Variants in EVI5 observed in about 807,000 individuals in gnomAD.
The protein encoded by EVI5 is ecotropic viral integration site 5 protein homolog.
A neutral mutation model predicts 112.0 loss-of-function variants in EVI5; 73 were observed. The observed-to-expected ratio is 0.65, with a 90% CI of 0.54 to 0.79. EVI5 has a LOEUF of 0.79. Among genes scored for constraint, EVI5 ranks in the 30% least tolerant of loss-of-function variants. The pLI is 0.00. For missense variants in EVI5, 900 were observed against 968.8 expected, an observed-to-expected ratio of 0.93 and a Z score of 0.94; for synonymous variants, 305 against 319.9, an observed-to-expected ratio of 0.95 and a Z score of 0.50.
intron 1 of EVI5, among the ~76,000 whole-genome samples, chr1:92,777,024 A>G (rs891288050): frequency 5.3e-5 from 8 of 151,870 alleles, no homozygotes; most frequent in Non-Finnish European, 1.0e-4. Context: ...AGATGGTCTC[A>G]ATCTCCTGAC....
intron 14 of EVI5, among the ~76,000 whole-genome samples, chr1:92,631,363 T>G (rs1450871091): frequency 6.6e-6 from 1 of 152,216 alleles, no homozygotes; most frequent in Non-Finnish European, 1.5e-5. Flanking sequence ...CATTGAGCAG[T>G]GGTTTGTAGT....
At chr1:92,789,286 A>AGTTC (rs1477984625), upstream of EVI5, among the ~76,000 whole-genome samples, 30 of 151,290 alleles carry the variant, frequency 2.0e-4, no homozygotes, top group African/African-American at 6.3e-4. Context: ...TGGACTCCTG[A>AGTTC]ATTCAAGCCA....
intron 19 of EVI5, among the ~76,000 whole-genome samples, chr1:92,554,775 C>T (rs1305870010): frequency 6.6e-6 from 1 of 152,102 alleles, no homozygotes; most frequent in Non-Finnish European, 1.5e-5. Context: ...TCCAGACCAG[C>T]CTTGGCAACA....
intron 15 of EVI5, among the ~76,000 whole-genome samples, chr1:92,624,566 C>T (rs1366340478): frequency 3.3e-5 from 5 of 151,474 alleles, no homozygotes; most frequent in African/African-American, 7.3e-5. Flanking sequence ...ATTGGCCAGG[C>T]GCAGTGGCTC....
Position 92,625,843 on chromosome 1 carries a change from C to T in EVI5, c.1619G>A (p.Gly540Asp). 3.1e-6 allele frequency: 5 copies of T among 1,612,816 alleles called. No individual in the cohort carries two copies. Among genetic ancestry groups the T allele is most frequent in the Non-Finnish European group, 3.4e-6 (4 of 1,178,982 alleles). Residue 540 changes from glycine (G) to aspartate (D), a missense_variant, in exon 15 of 20, where the codon GGT becomes GAT. Transcript: ENST00000684568. Reference protein sequence around the residue: ...VKLREAEAIMGLKELRQQVKD... With the variant: ...VKLREAEAIMDLKELRQQVKD... ...GACTTGCTGTCTAAGTTCTTTCAAACCCATAATGGCTTCTGCTTCTCTAAG... is the reference window on the plus strand; with the variant it reads ...GACTTGCTGTCTAAGTTCTTTCAAATCCATAATGGCTTCTGCTTCTCTAAG...
intron 16 of EVI5, among the ~76,000 whole-genome samples, chr1:92,613,425 A>G (rs1652337388): frequency 6.6e-6 from 1 of 152,044 alleles, no homozygotes; most frequent in Non-Finnish European, 1.5e-5. Context: ...CAGCCTCCCA[A>G]GTAGCTGTGA....
chr1:92,621,696 G>C (rs1393609273), intron 16 of EVI5, among the ~76,000 whole-genome samples: 1 of 152,122 alleles, frequency 6.6e-6, no homozygotes, highest in Non-Finnish European at 1.5e-5. Context: ...GTGGTTTTTA[G>C]CCTATTGAGA....
chr1:92,649,136 C>T (rs1326601336), intron 13 of EVI5, among the ~76,000 whole-genome samples: 1 of 152,138 alleles, frequency 6.6e-6, no homozygotes, highest in Non-Finnish European at 1.5e-5. Context: ...TGATGTTGAG[C>T]ATCTTTTCAT....
Position 92,509,108 on chromosome 1 carries a change from C to G in EVI5, c.*4548G>C, listed in dbSNP as rs554317292. On this transcript the variant is annotated 3_prime_UTR_variant, in exon 20 of 20. Transcript: ENST00000684568. The stretch of plus-strand genomic sequence containing the variant: ...GGTATGTTAATATACATTAATCAAG[C>G]TGGTCATGAAACAGTTTTACCAAAA... The G allele has an allele frequency of 2.6e-5, 4 of 152,352 alleles. No homozygotes were observed. Among genetic ancestry groups the G allele is most frequent in the African/African-American group, 7.2e-5 (3 of 41,532 alleles). 9.4% of individuals were successfully genotyped at this position (152,352 alleles called of 1,614,324 possible).
At chr1:92,551,052 T>TA (rs1374203332) in intron 19 of EVI5, among the ~76,000 whole-genome samples, 1 of 123,350 alleles carries the variant, frequency 8.1e-6, no homozygotes, top group African/African-American at 3.0e-5. Flanking sequence ...TTTTTTTTTT[T>TA]TTTTTTTTGA....
In EVI5 at chr1:92,610,112, C is replaced by T. The variant is rs148363009; in HGVS notation, c.1828-2385G>A. Among the ~76,000 whole-genome samples the T allele has an allele frequency of 1.4e-4, 22 of 152,284 alleles. No homozygotes were observed. In the East Asian group the frequency reaches 3.3e-3, roughly 23 times the overall value. On this transcript the variant is annotated intron_variant, in intron 16 of 19. Transcript: ENST00000684568. The stretch of plus-strand genomic sequence containing the variant: ...ATGTTGCTCAGGCCAGTCTTGAACT[C>T]CTGAGCCCAAGTGATCCTCCCATCT...
Position 92,784,467 on chromosome 1 carries a change from A to G in EVI5, c.-82+369T>C, listed in dbSNP as rs558874888. 6.3e-4 allele frequency: 622 copies of G among 983,652 alleles called. 4 individuals carry two copies. Among genetic ancestry groups the G allele is most frequent in the Middle Eastern group, 4.7e-3 (9 of 1,906 alleles). 60.9% of individuals were successfully genotyped at this position (983,652 alleles called of 1,614,324 possible). On this transcript the variant is annotated intron_variant, in intron 1 of 19. Coordinates refer to ENST00000684568, the MANE Select transcript of EVI5 (RefSeq NM_001350197.2). ...AGTGCTCTCGCCCCTCAGGTCCCCA[A>G]AGGGAACCGACTTCTGGCCTCGAGG...
chr1:92,591,239 T>A (rs865970073), intron 18 of EVI5, among the ~76,000 whole-genome samples: 8 of 152,148 alleles, frequency 5.3e-5, no homozygotes, highest in South Asian at 4.1e-4. Flanking sequence ...CATCATAATG[T>A]CAGGATCAAA....
intron 19 of EVI5, among the ~76,000 whole-genome samples, chr1:92,535,285 T>C (rs1378280131): frequency 2.0e-5 from 3 of 152,116 alleles, no homozygotes; most frequent in Non-Finnish European, 4.4e-5. Context: ...TGTGGAGAAA[T>C]AGGAACACTT....
At chr1:92,705,007 G>A (rs6604007) in intron 2 of EVI5, among the ~76,000 whole-genome samples, 87,397 of 151,784 alleles carry the variant, frequency 0.58, 26,918 homozygotes, top group East Asian at 0.92. Flanking sequence ...ATTTCCCTTC[G>A]TCTCCATTAA....
intron 16 of EVI5, among the ~76,000 whole-genome samples, chr1:92,618,894 G>T (rs1653851072): frequency 1.3e-5 from 2 of 152,166 alleles, no homozygotes; most frequent in Admixed American, 6.5e-5. Context: ...CTTCATATCA[G>T]CATTTAAGTA....
At position 92,709,437 on chromosome 1, in the gene EVI5, A is replaced by C. The variant is rs140057539; in HGVS notation, c.150-4693T>G. Among the ~76,000 whole-genome samples the C allele has an allele frequency of 1.6e-4, 25 of 152,288 alleles. No homozygotes were observed. The East Asian group carries it at 4.6e-3, about 28-fold the overall frequency. Reference sequence around the variant, plus strand: ...ATTCGGTGAGAAATGACTGCATTTTATTATTGTAAGCCCTTCTGAACTTTT... The same window carrying C: ...ATTCGGTGAGAAATGACTGCATTTTCTTATTGTAAGCCCTTCTGAACTTTT... On this transcript the variant is annotated intron_variant, in intron 2 of 19. Coordinates refer to ENST00000684568, the MANE Select transcript of EVI5 (RefSeq NM_001350197.2).
At chr1:92,783,114 C>T (rs138744470) in intron 1 of EVI5, among the ~76,000 whole-genome samples, 2,745 of 152,248 alleles carry the variant, frequency 0.018, 41 homozygotes, top group Non-Finnish European at 0.027. Context: ...AGCCACCGCA[C>T]CCAGACCACC....
chr1:92,632,464 T>C (rs1478360651), intron 14 of EVI5, among the ~76,000 whole-genome samples: 2 of 152,260 alleles, frequency 1.3e-5, no homozygotes, highest in African/African-American at 4.8e-5. Context: ...CTAATTTGCA[T>C]AGAGATGTTT....
Sources: gnomAD v4.1 joint callset for allele counts (sites outside exome capture counted in the v4.1 genomes callset) on GRCh38, gnomAD v4.1.1 for gene constraint, MANE v1.5 for transcripts, NCBI Gene and HGNC (gene_info 2026-07-23, HGNC 2026-07-21) for gene names.